The following HECW2 variants were observed in gnomAD, a reference collection of about 807,000 sequenced individuals.
HECW2 encodes HECT, C2 and WW domain containing E3 ubiquitin protein ligase 2.
HECW2 carries 61 observed loss-of-function variants against 175.2 expected under a neutral mutation model. The observed-to-expected ratio is 0.35, with a 90% CI of 0.28 to 0.43. HECW2 has a LOEUF of 0.43. HECW2 is among the 20% of genes least tolerant of loss of function. The probability of loss-of-function intolerance (pLI) is 1.00; values close to 1 mark genes in which losing one functional copy is unlikely to be tolerated. For missense variants in HECW2, 1,524 were observed against 2,000.5 expected (o/e 0.76, Z 4.54); for synonymous variants, 671 against 731.0 (o/e 0.92, Z 1.32).
chr2:196,304,548 C>A (rs1177031161), intron 13 of HECW2, among the ~76,000 whole-genome samples: 2 of 152,148 alleles, frequency 1.3e-5, no homozygotes, highest in South Asian at 2.1e-4. Flanking sequence ...ATGTACCAGG[C>A]AAATCACAGG....
At chr2:196,588,298 A>G (rs1054036823) in intron 1 of HECW2, among the ~76,000 whole-genome samples, 7 of 152,240 alleles carry the variant, frequency 4.6e-5, no homozygotes, top group African/African-American at 1.4e-4. Context: ...AATACATATT[A>G]CTTGAATGAA....
intron 1 of HECW2, among the ~76,000 whole-genome samples, chr2:196,513,693 C>T (rs1688041240): frequency 1.3e-5 from 2 of 152,054 alleles, no homozygotes; most frequent in Non-Finnish European, 2.9e-5. Flanking sequence ...TAAGAAGCCA[C>T]AAAAGTAAGA....
intron 14 of HECW2, among the ~76,000 whole-genome samples, chr2:196,283,778 G>C (rs1690279621): frequency 6.6e-6 from 1 of 152,128 alleles, no homozygotes; most frequent in South Asian, 2.1e-4. Flanking sequence ...ACACTGCAGA[G>C]GAAAGACAGT....
At chr2:196,371,049 T>A (rs963361283) in intron 2 of HECW2, among the ~76,000 whole-genome samples, 1 of 152,136 alleles carries the variant, frequency 6.6e-6, no homozygotes, top group African/African-American at 2.4e-5. Context: ...TGGAGAGTCG[T>A]TCAATTTGGT....
intron 2 of HECW2, among the ~76,000 whole-genome samples, chr2:196,376,140 C>T (rs1270337961): frequency 6.6e-6 from 1 of 152,172 alleles, no homozygotes; most frequent in Non-Finnish European, 1.5e-5. Flanking sequence ...GCTTTTATTA[C>T]CCTCAAACTT....
At chr2:196,341,766 C>T (rs571429489) in intron 3 of HECW2, among the ~76,000 whole-genome samples, 2 of 152,156 alleles carry the variant, frequency 1.3e-5, no homozygotes, top group Non-Finnish European at 2.9e-5. Flanking sequence ...GAAGACATTT[C>T]TTATGGGGCA....
In HECW2 at chr2:196,319,621, G is replaced by C; in HGVS notation, c.1269C>G (p.Ile423Met). Residue 423 changes from isoleucine (I) to methionine (M), a missense_variant, in exon 9 of 29, where the codon ATC becomes ATG. Coordinates refer to ENST00000644978, the MANE Select transcript of HECW2 (RefSeq NM_001348768.2). ...QDSLNDYLDAIEHNGHSRPGT... is the reference protein window; with the variant it reads ...QDSLNDYLDAMEHNGHSRPGT... Reference sequence around the variant, plus strand: ...CCGGCCTGGAGTGGCCATTGTGTTCGATAGCATCTAAGTAATCATTGAGTG... The same window carrying C: ...CCGGCCTGGAGTGGCCATTGTGTTCCATAGCATCTAAGTAATCATTGAGTG... 3 of 1,614,238 alleles carry C rather than the reference G, an allele frequency of 1.9e-6. No homozygotes were observed. Among genetic ancestry groups the C allele is most frequent in the Non-Finnish European group, 2.5e-6 (3 of 1,180,038 alleles).
chr2:196,292,127 G>C (rs6715442), intron 14 of HECW2: 39,575 of 155,830 alleles, frequency 0.25, 5,928 homozygotes, highest in African/African-American at 0.41. Context: ...CCCAAGCCCA[G>C]ACAGTGTCAC....
At chr2:196,557,011 T>C (rs1689817106) in intron 1 of HECW2, among the ~76,000 whole-genome samples, 2 of 151,922 alleles carry the variant, frequency 1.3e-5, no homozygotes, top group Admixed American at 6.6e-5. Flanking sequence ...AATAATAGAG[T>C]TTCTGAACAT....
intron 1 of HECW2, among the ~76,000 whole-genome samples, chr2:196,560,445 C>G (rs527723033): frequency 6.6e-6 from 1 of 152,262 alleles, no homozygotes; most frequent in Non-Finnish European, 1.5e-5. Flanking sequence ...CTGTGCCCAG[C>G]CTTAACCACT....
intron 2 of HECW2, among the ~76,000 whole-genome samples, chr2:196,429,240 T>TG (rs11424741): frequency 0.27 from 40,644 of 151,420 alleles, 6,052 homozygotes; most frequent in African/African-American, 0.39. Context: ...TTCCTGAGCC[T>TG]GGGGGGGGCC....
At chr2:196,214,969 C>T (rs997288247) in intron 28 of HECW2, among the ~76,000 whole-genome samples, 5 of 152,142 alleles carry the variant, frequency 3.3e-5, no homozygotes, top group African/African-American at 1.2e-4. Context: ...TTTAGGATAA[C>T]ATCTTGGGGT....
chr2:196,454,563 T>C (rs1450115774), intron 1 of HECW2, among the ~76,000 whole-genome samples: 3 of 152,206 alleles, frequency 2.0e-5, no homozygotes, highest in Non-Finnish European at 4.4e-5. Flanking sequence ...GCAAAATAGC[T>C]GTATCCTAAG....
intron 2 of HECW2, among the ~76,000 whole-genome samples, chr2:196,376,449 C>T (rs1338333675): frequency 3.3e-5 from 5 of 151,204 alleles, no homozygotes; most frequent in South Asian, 2.1e-4. Flanking sequence ...GCCAACATGA[C>T]GAAACCCCAT....
rs4850679 is a variant in HECW2 at position 196,196,428 on chromosome 2, C to T, written c.*4849G>A. The stretch of plus-strand genomic sequence containing the variant: ...TAGAGTCTAAAAGTGACATTCTCAT[C>T]AAACTCACGGCAGTAAGATGGAAGT... On this transcript the variant is annotated 3_prime_UTR_variant, in exon 29 of 29. Coordinates refer to ENST00000644978, the MANE Select transcript of HECW2 (RefSeq NM_001348768.2). 0.64 allele frequency: 97,525 copies of T among 152,088 alleles called. 33,180 individuals are homozygous for T. Among genetic ancestry groups the T allele is most frequent in the East Asian group, 0.83 (4,302 of 5,180 alleles). The allele number at this position is 152,088 out of a possible 1,614,324, so 9.4% of individuals were successfully genotyped here.
At chr2:196,358,585 CAAAAAAAAAAAAAAAAAAAA>C (rs144181608) in intron 2 of HECW2, among the ~76,000 whole-genome samples, 3 of 67,330 alleles carry the variant, frequency 4.5e-5, no homozygotes, top group African/African-American at 6.3e-5. Flanking sequence ...GACTCTGTCT[CAAAAAAAAAAAAAAAAAAAA>C]AAAAAAAAAA....
intron 17 of HECW2, among the ~76,000 whole-genome samples, chr2:196,259,773 T>C (rs1342759765): frequency 6.6e-6 from 1 of 152,164 alleles, no homozygotes; most frequent in Non-Finnish European, 1.5e-5. Flanking sequence ...ATAAGAGATG[T>C]AAATGTTGGC....
At chr2:196,301,909 T>A (rs1209290503) in intron 13 of HECW2, among the ~76,000 whole-genome samples, 1 of 152,218 alleles carries the variant, frequency 6.6e-6, no homozygotes, top group East Asian at 1.9e-4. Context: ...GTGTCAGTTT[T>A]TGCTTTTGTT....
intron 9 of HECW2, among the ~76,000 whole-genome samples, 178 bp from the exon 10 acceptor site, chr2:196,317,547 G>C (rs1691744816): frequency 6.6e-6 from 1 of 152,066 alleles, no homozygotes; most frequent in Admixed American, 6.6e-5. Flanking sequence ...CTTAGAAGAG[G>C]GCTTCCTGAA....
Sources: allele counts gnomAD v4.1 joint callset (sites outside exome capture counted in the v4.1 genomes callset), GRCh38; gene constraint gnomAD v4.1.1; transcripts MANE v1.5; gene names NCBI Gene and HGNC (gene_info 2026-07-23, HGNC 2026-07-21).